ZNF407: variants seen among roughly 807,000 people sequenced by gnomAD.
The protein encoded by ZNF407 is zinc finger protein 407.
ZNF407 carries 17 observed loss-of-function variants against 131.2 expected under a neutral mutation model. The ratio of observed to expected loss-of-function variants is 0.13; its 90% confidence interval spans 0.09 to 0.19. ZNF407 has a LOEUF of 0.19. Among genes scored for constraint, ZNF407 ranks in the 10% least tolerant of loss-of-function variants. The pLI is 1.00. For missense variants in ZNF407, 2,681 were observed against 2,830.6 expected (o/e 0.95, Z 1.20); for synonymous variants, 1,156 against 1,062.0 (o/e 1.09, Z -1.72).
intron 4 of ZNF407, among the ~76,000 whole-genome samples, chr18:74,862,492 A>G (rs1191826962): frequency 1.3e-5 from 2 of 152,238 alleles, no homozygotes; most frequent in Non-Finnish European, 2.9e-5. Flanking sequence ...GTATAATTGC[A>G]GTTCTGCTGT....
chr18:74,995,260 C>T (rs1011296492), intron 8 of ZNF407, among the ~76,000 whole-genome samples: 1 of 152,110 alleles, frequency 6.6e-6, no homozygotes, highest in African/African-American at 2.4e-5. Context: ...AGCCGTGGCA[C>T]CTTAGGGCTA....
At chr18:74,798,369 GA>G (rs35140540) in intron 4 of ZNF407, among the ~76,000 whole-genome samples, 2 of 151,586 alleles carry the variant, frequency 1.3e-5, no homozygotes, top group Admixed American at 6.6e-5. Flanking sequence ...GAGAAACAGT[GA>G]AAAAAAGGAA....
chr18:74,610,676 A>G (rs551937397), intron 1 of ZNF407, among the ~76,000 whole-genome samples: 4 of 151,862 alleles, frequency 2.6e-5, no homozygotes, highest in African/African-American at 9.7e-5. Flanking sequence ...CTGCCTCCCA[A>G]GCAGCTGGGA....
At chr18:74,724,484 C>T (rs1373296476) in intron 3 of ZNF407, among the ~76,000 whole-genome samples, 1 of 152,198 alleles carries the variant, frequency 6.6e-6, no homozygotes, top group Non-Finnish European at 1.5e-5. Context: ...TTCATGTCCT[C>T]CCCAGCTGCT....
At chr18:74,639,782 T>G (rs1465202438) in intron 2 of ZNF407, among the ~76,000 whole-genome samples, 2 of 152,216 alleles carry the variant, frequency 1.3e-5, no homozygotes, top group Non-Finnish European at 2.9e-5. Flanking sequence ...ATTAAATGCT[T>G]CACTTTTTTT....
At chr18:75,015,495 T>C (rs7230165) in intron 8 of ZNF407, among the ~76,000 whole-genome samples, 109,347 of 147,824 alleles carry the variant, frequency 0.74, 41,677 homozygotes, top group Non-Finnish European at 0.83. Context: ...ATGATGAGAA[T>C]GGAGAATATA....
chr18:74,624,266 G>A (rs1229742824), intron 1 of ZNF407, among the ~76,000 whole-genome samples: 5 of 152,094 alleles, frequency 3.3e-5, no homozygotes, highest in Admixed American at 1.3e-4. Flanking sequence ...GAAAAATGAG[G>A]CCTTAAACTG....
At chr18:74,732,959 TC>T (rs1342577154) in intron 3 of ZNF407, among the ~76,000 whole-genome samples, 5 of 152,176 alleles carry the variant, frequency 3.3e-5, no homozygotes, top group Non-Finnish European at 5.9e-5. Flanking sequence ...TATATTTCAG[TC>T]AGTCTAAACA....
At chr18:75,055,970 C>T (rs543425644) in intron 8 of ZNF407, among the ~76,000 whole-genome samples, 1 of 152,282 alleles carries the variant, frequency 6.6e-6, no homozygotes, top group South Asian at 2.1e-4. Flanking sequence ...TACAGAAAAG[C>T]AATTTCCCCA....
At chr18:74,847,553 T>G (rs1484880504) in intron 4 of ZNF407, among the ~76,000 whole-genome samples, 4 of 152,196 alleles carry the variant, frequency 2.6e-5, no homozygotes, top group Non-Finnish European at 4.4e-5. Flanking sequence ...TTTAATTTCT[T>G]TTTTTCTCTT....
At chr18:74,972,318 C>T (rs1196360702) in intron 8 of ZNF407, among the ~76,000 whole-genome samples, 1 of 152,204 alleles carries the variant, frequency 6.6e-6, no homozygotes, top group Non-Finnish European at 1.5e-5. Flanking sequence ...CAGCTTCCCA[C>T]CAACAGGAGA....
intron 8 of ZNF407, among the ~76,000 whole-genome samples, chr18:75,035,410 A>G (rs929784161): frequency 2.6e-5 from 4 of 152,242 alleles, no homozygotes; most frequent in Non-Finnish European, 4.4e-5. Flanking sequence ...TCTACCTGTC[A>G]TATCAGGAAA....
intron 3 of ZNF407, among the ~76,000 whole-genome samples, chr18:74,652,221 GTACCTTTTTA>G (rs2144712295): frequency 6.6e-6 from 1 of 152,108 alleles, no homozygotes; most frequent in South Asian, 2.1e-4. Context: ...TCAAAGTTAA[GTACCTTTTTA>G]TAGCGTTGCC....
At chr18:74,803,702 G>A (rs765366782) in intron 4 of ZNF407, among the ~76,000 whole-genome samples, 5 of 152,156 alleles carry the variant, frequency 3.3e-5, no homozygotes, top group Admixed American at 3.3e-4. Flanking sequence ...TTCTGATTGC[G>A]CATGAAAGAG....
intron 1 of ZNF407, among the ~76,000 whole-genome samples, chr18:74,614,148 T>C (rs1278337997): frequency 6.6e-6 from 1 of 152,218 alleles, no homozygotes; most frequent in East Asian, 1.9e-4. Context: ...CCATTATAAT[T>C]CAATGGTTAC....
intron 8 of ZNF407, among the ~76,000 whole-genome samples, chr18:75,012,454 G>A (rs779047510): frequency 1.3e-5 from 2 of 151,962 alleles, no homozygotes; most frequent in Admixed American, 1.3e-4. Context: ...AGTGTACAAT[G>A]CTGAAATGAT....
intron 8 of ZNF407, among the ~76,000 whole-genome samples, chr18:75,014,131 A>T (rs907653261): frequency 6.6e-6 from 1 of 152,104 alleles, no homozygotes; most frequent in Non-Finnish European, 1.5e-5. Context: ...GTGTGAACTA[A>T]TCAGTAGGTT....
intron 5 of ZNF407, among the ~76,000 whole-genome samples, chr18:74,878,374 T>A (rs1438514223): frequency 6.6e-6 from 1 of 152,152 alleles, no homozygotes; most frequent in Non-Finnish European, 1.5e-5. Context: ...AATTATAGGT[T>A]AAAAGTTCTT....
rs1019533854 is a variant in ZNF407 at position 74,621,680 on chromosome 18, A to G, written c.-53-9287A>G. On this transcript the variant is annotated intron_variant, in intron 1 of 8. Transcript: ENST00000299687. ...GGTCTCTTAGAACTTCGTCTCCAGC[A>G]TGCAGCATCCTCACTTCCACTATTT... Among the ~76,000 whole-genome samples, 6 of 152,196 alleles carry G rather than the reference A, an allele frequency of 3.9e-5. No homozygotes were observed. The South Asian group carries it at 1.2e-3, about 32-fold the overall frequency.
Sources: gnomAD v4.1 joint callset for allele counts (sites outside exome capture counted in the v4.1 genomes callset) on GRCh38, gnomAD v4.1.1 for gene constraint, MANE v1.5 for transcripts, NCBI Gene and HGNC (gene_info 2026-07-23, HGNC 2026-07-21) for gene names.